AGO1: variants seen among roughly 807,000 people sequenced by gnomAD.
AGO1 encodes the protein protein argonaute-1.
In AGO1, 11 loss-of-function variants were observed where a neutral mutation model predicts 109.2. The ratio of observed to expected loss-of-function variants is 0.10; its 90% CI spans 0.06 to 0.17. The LOEUF is 0.17. Ranked by LOEUF, AGO1 falls within the 10% of genes least tolerant of loss-of-function variation. AGO1 has a pLI of 1.00. For synonymous variants in AGO1, 422 were observed against 418.6 expected (o/e 1.01, Z -0.10); for missense variants, 574 against 1,140.3 (o/e 0.50, Z 7.15).
chr1:35,893,642 C>A lies in AGO1; in HGVS notation c.513-32C>A, dbSNP rs377046896. ...GCCTCACAGGGTGGGGGCCTGTGCC[C>A]GAGGGACCAGTTCTCTGCCTGTCCC... is the stretch of plus-strand genomic sequence containing the variant. On this transcript the variant is annotated intron_variant, in intron 4 of 18. Transcript: ENST00000373204. The surrounding 1 kb of genome is among the most constrained non-coding windows in gnomAD (Gnocchi z 5.6). 76 of 1,585,646 alleles carry A rather than the reference C, an allele frequency of 4.8e-5. No homozygotes were observed. The African/African-American group carries it at 9.8e-4, about 20-fold the overall frequency.
At chr1:35,876,487 T>C (rs530270667) in intron 1 of AGO1, among the ~76,000 whole-genome samples, 43 of 152,198 alleles carry the variant, frequency 2.8e-4, no homozygotes, top group Admixed American at 5.2e-4. Flanking sequence ...AGGATGGTCT[T>C]GATCTCCAGA....
At position 35,901,836 on chromosome 1, in the gene AGO1, A is replaced by T; in HGVS notation, c.1141-112A>T. ...CTTCCACTTTCTCTCTCTTTTTAGG[A>T]CTATTCCGTACCAACCCCAGCTTCT... On this transcript the variant is annotated intron_variant, in intron 9 of 18. Transcript: ENST00000373204. This position sits in a 1 kb window ranked among gnomAD's most constrained non-coding sequence, Gnocchi z 4.8. 6.9e-7 allele frequency: 1 copy of T among 1,443,664 alleles called. No individual in the cohort carries two copies. Among genetic ancestry groups the T allele is most frequent in the Non-Finnish European group, 9.3e-7 (1 of 1,069,864 alleles). 89.4% of individuals were successfully genotyped at this position (1,443,664 alleles called of 1,614,324 possible).
intron 16 of AGO1, 30 bp downstream of exon 16, chr1:35,917,757 C>G: frequency 6.2e-7 from 1 of 1,603,372 alleles, no homozygotes; most frequent in East Asian, 2.2e-5. Context: ...CTCCCATCCC[C>G]TCCTTCTGTC....
At position 35,920,578 on chromosome 1, in the gene AGO1, C is replaced by G. The variant is rs1426728596; in HGVS notation, c.*971C>G. On this transcript the variant is annotated 3_prime_UTR_variant, in exon 19 of 19. Coordinates refer to ENST00000373204, the MANE Select transcript of AGO1 (RefSeq NM_012199.5). ...TGAGCTTTTTAAAAGATCACAACCT[C>G]AAGATGGTTAAAATCCATTGACATT... 6.6e-6 allele frequency: 1 copy of G among 152,502 alleles called. No individual in the cohort carries two copies. Among genetic ancestry groups the G allele is most frequent in the Non-Finnish European group, 1.5e-5 (1 of 68,058 alleles). The allele number at this position is 152,502 out of a possible 1,614,324, so 9.4% of individuals were successfully genotyped here.
At position 35,929,099 on chromosome 1, in the gene AGO1, C is replaced by T. The variant is rs1645985973; in HGVS notation, c.*9492C>T. 1 of 152,246 alleles carries T rather than the reference C, an allele frequency of 6.6e-6. No homozygotes were observed. Among genetic ancestry groups the T allele is most frequent in the African/African-American group, 2.4e-5 (1 of 41,454 alleles). The allele number at this position is 152,246 out of a possible 1,614,324, so 9.4% of individuals were successfully genotyped here. On this transcript the variant is annotated 3_prime_UTR_variant, in exon 19 of 19. Coordinates refer to ENST00000373204, the MANE Select transcript of AGO1 (RefSeq NM_012199.5). ...TGGGGCAATGACAGTTAAGATAATA[C>T]CCAATGACCCTGCTCTGTACCCTTA...
chr1:35,883,556 C>G lies in AGO1; in HGVS notation c.25+110C>G. On this transcript the variant is annotated intron_variant, in intron 1 of 18. Transcript: ENST00000373204. The surrounding 1 kb of genome is among the most constrained non-coding windows in gnomAD (Gnocchi z 5.4). Reference sequence around the variant, plus strand: ...GCGCTCCTGAGTGAGGAGAAGGGCTCTCCCACGATGGGGGCCCAGTTTGAA... The same window carrying G: ...GCGCTCCTGAGTGAGGAGAAGGGCTGTCCCACGATGGGGGCCCAGTTTGAA... 1 of 1,394,884 alleles carries G rather than the reference C, an allele frequency of 7.2e-7. No individual in the cohort carries two copies. The highest frequency in any genetic ancestry group is 1.6e-5 in the South Asian group (1 of 60,904). The allele number at this position is 1,394,884 out of a possible 1,614,324, so 86.4% of individuals were successfully genotyped here.
chr1:35,909,907 C>T (rs1645602579), intron 12 of AGO1, among the ~76,000 whole-genome samples: 1 of 151,990 alleles, frequency 6.6e-6, no homozygotes, highest in African/African-American at 2.4e-5. Context: ...GATTTCCCTC[C>T]ATTAAAGGGA....
intron 8 of AGO1, among the ~76,000 whole-genome samples, chr1:35,900,142 C>A (rs939983475): frequency 2.8e-4 from 43 of 152,322 alleles, no homozygotes; most frequent in African/African-American, 9.4e-4. Context: ...AGGACACTGT[C>A]AGCCAACAGA....
intron 8 of AGO1, among the ~76,000 whole-genome samples, chr1:35,899,263 A>G (rs543633704): frequency 1.3e-5 from 2 of 152,294 alleles, no homozygotes; most frequent in East Asian, 3.9e-4. Context: ...GTATGTATAT[A>G]TCATGTTTTG....
chr1:35,918,744 C>G lies in AGO1; in HGVS notation c.2266-311C>G, dbSNP rs141193604. ...CTAATTTTTGTATTTTTAGTAGAGA[C>G]AGGGTTTCACCATTTTGGCCCTGCT... On this transcript the variant is annotated intron_variant, in intron 17 of 18. Coordinates refer to ENST00000373204, the MANE Select transcript of AGO1 (RefSeq NM_012199.5). Among the ~76,000 whole-genome samples the G allele has an allele frequency of 3.8e-3, 584 of 152,210 alleles. 3 individuals carry two copies. The highest frequency in any genetic ancestry group is 4.1e-3 in the Non-Finnish European group (277 of 67,998).
chr1:35,874,835 G>A (rs1644980289), intron 1 of AGO1, among the ~76,000 whole-genome samples: 1 of 152,162 alleles, frequency 6.6e-6, no homozygotes, highest in African/African-American at 2.4e-5. Flanking sequence ...TATCTGATAT[G>A]GAGAAAGTTT....
At chr1:35,909,475 G>T (rs1463025383) in intron 12 of AGO1, among the ~76,000 whole-genome samples, 1 of 152,218 alleles carries the variant, frequency 6.6e-6, no homozygotes, top group Non-Finnish European at 1.5e-5. Context: ...GTGGTTTTCA[G>T]TCTCTGGTGT....
At chr1:35,879,749 A>AAG (rs1343945744), upstream of AGO1, among the ~76,000 whole-genome samples, 1 of 150,758 alleles carries the variant, frequency 6.6e-6, no homozygotes, top group African/African-American at 2.4e-5. Flanking sequence ...AAAAAAAAAA[A>AAG]AAAAAAAAAA....
Position 35,919,627 on chromosome 1 carries a change from C to T in AGO1, c.*20C>T, listed in dbSNP as rs1365840620. On this transcript the variant is annotated 3_prime_UTR_variant, in exon 19 of 19. Transcript: ENST00000373204. This position sits in a 1 kb window ranked among gnomAD's most constrained non-coding sequence, Gnocchi z 6.6. ...GCTTGAAGGCAGAACGCTGTTACCT[C>T]ACTGGATAGAAGAAAGCTTTCCAAG... 6.2e-7 allele frequency: 1 copy of T among 1,604,584 alleles called. No individual in the cohort carries two copies. The highest frequency in any genetic ancestry group is 1.7e-4 in the Middle Eastern group (1 of 6,022).
chr1:35,900,219 G>A (rs1435910052), intron 8 of AGO1, among the ~76,000 whole-genome samples: 1 of 152,184 alleles, frequency 6.6e-6, no homozygotes, highest in Non-Finnish European at 1.5e-5. Flanking sequence ...TGGGTTGCAG[G>A]ATGGAGCAAC....
intron 1 of AGO1, among the ~76,000 whole-genome samples, chr1:35,875,456 C>G (rs961484974): frequency 5.3e-5 from 8 of 152,230 alleles, no homozygotes; most frequent in Admixed American, 2.0e-4. Context: ...CTTTGTCGCC[C>G]AGGCTGGAGT....
At chr1:35,885,870 G>A (rs1484475966) in intron 1 of AGO1, among the ~76,000 whole-genome samples, 1 of 152,248 alleles carries the variant, frequency 6.6e-6, no homozygotes, top group South Asian at 2.1e-4. Flanking sequence ...GGTTAAGCAC[G>A]TATGTGGATA....
In AGO1 at chr1:35,902,271, T is replaced by C. The variant is rs1313546401; in HGVS notation, c.1331T>C (p.Ile444Thr). 1 of 1,614,030 alleles carries C rather than the reference T, an allele frequency of 6.2e-7. No individual in the cohort carries two copies. The highest frequency in any genetic ancestry group is 8.5e-7 in the Non-Finnish European group (1 of 1,179,994). ...CGGGGGAAACAGTTCTACAATGGGA[T>C]TGAGATCAAAGTCTGGGCCATCGCC... is the stretch of plus-strand genomic sequence containing the variant. ...DMRGKQFYNG[I>T]EIKVWAIACF... Residue 444 changes from isoleucine to threonine, a missense_variant, in exon 11 of 19, where the codon ATT becomes ACT. Coordinates refer to ENST00000373204, the MANE Select transcript of AGO1 (RefSeq NM_012199.5).
At chr1:35,905,690 C>T (rs960096128) in intron 11 of AGO1, among the ~76,000 whole-genome samples, 2 of 152,026 alleles carry the variant, frequency 1.3e-5, no homozygotes, top group East Asian at 1.9e-4. Context: ...AGGCTGGTCT[C>T]GAAGTCCTGG....
Sources: allele counts gnomAD v4.1 joint callset (sites outside exome capture counted in the v4.1 genomes callset), GRCh38; gene constraint gnomAD v4.1.1; non-coding constraint Gnocchi (gnomAD v3.1); transcripts MANE v1.5; gene names NCBI Gene and HGNC (gene_info 2026-07-23, HGNC 2026-07-21).